CYLC1: variants seen among roughly 807,000 people sequenced by gnomAD.
CYLC1 encodes the protein cylicin-1.
In CYLC1, 2 loss-of-function variants were observed where a neutral mutation model predicts 31.6. The observed-to-expected ratio is 0.06, with a 90% CI of 0.03 to 0.20. The LOEUF (loss-of-function observed/expected upper bound fraction) is 0.20, where lower values mean the gene tolerates loss of function less well. Among genes scored for constraint, CYLC1 ranks in the 10% least tolerant of loss-of-function variants. The probability of loss-of-function intolerance (pLI) is 1.00; values close to 1 mark genes in which losing one functional copy is unlikely to be tolerated. For missense variants in CYLC1, 595 were observed against 424.1 expected, an observed-to-expected ratio of 1.40 and a Z score of -3.54; for synonymous variants, 185 against 153.0, an observed-to-expected ratio of 1.21 and a Z score of -1.54.
rs2031703604 is a variant in CYLC1, at chrX:83,873,388, C to T, written c.680C>T (p.Ser227Leu). The part of the protein sequence containing the change: ...KNNPKKDLKR[S>L]KTSNDPISEI... ...AATCCAAAGAAAGATTTGAAGAGGT[C>T]AAAGACTAGTAATGATCCCATATCA... The change falls in exon 4 of 5, where the codon TCA becomes TTA. Residue 227 changes from serine (S) to leucine (L), a missense_variant. Ser to Leu is a moderately radical substitution (Grantham distance 145). Transcript: ENST00000329312. 2 of 1,201,830 alleles carry T rather than the reference C, an allele frequency of 1.7e-6. No individual in the cohort carries two copies. Among genetic ancestry groups the T allele is most frequent in the African/African-American group, 1.8e-5 (1 of 56,737 alleles).
intron 4 of CYLC1, among the ~76,000 whole-genome samples, chrX:83,884,151 A>C (rs1253683360): frequency 8.9e-6 from 1 of 111,836 alleles, no homozygotes; most frequent in Non-Finnish European, 1.9e-5. Context: ...GGCAAGTGGC[A>C]TGATAAGCAT....
At position 83,874,147 on chromosome X, in the gene CYLC1, A is replaced by G; in HGVS notation, c.1439A>G (p.Asn480Ser). Residue 480 changes from asparagine to serine, a missense_variant, in exon 4 of 5, where the codon AAT (asparagine) becomes AGT (serine). Asn to Ser is a conservative substitution (Grantham distance 46). Transcript: ENST00000329312. ...KDDKKKDAKK[N>S]AESTEMESDL... is the part of the protein sequence containing the mutation. Reference sequence around the variant, plus strand: ...GACAAAAAGAAGGATGCAAAGAAAAATGCAGAATCTACTGAAATGGAATCT... The same window carrying G: ...GACAAAAAGAAGGATGCAAAGAAAAGTGCAGAATCTACTGAAATGGAATCT... 2.5e-6 allele frequency: 3 copies of G among 1,203,626 alleles called. No individual in the cohort carries two copies. Among genetic ancestry groups the G allele is most frequent in the Non-Finnish European group, 3.4e-6 (3 of 892,154 alleles).
chrX:83,884,639 TA>T (rs747621751), intron 4 of CYLC1, among the ~76,000 whole-genome samples: 11 of 111,762 alleles, frequency 9.8e-5, no homozygotes, highest in East Asian at 8.4e-4. Flanking sequence ...AAAAATAAAA[TA>T]AAAAACAAAC....
intron 1 of CYLC1, among the ~76,000 whole-genome samples, chrX:83,863,012 T>A (rs2031537790): frequency 9.0e-6 from 1 of 111,718 alleles, no homozygotes; most frequent in Admixed American, 9.5e-5. Flanking sequence ...TGTCATCAAC[T>A]TATATCACCT....
At chrX:83,872,048 C>T (rs2031673555) in intron 3 of CYLC1, among the ~76,000 whole-genome samples, 1 of 110,942 alleles carries the variant, frequency 9.0e-6, no homozygotes, top group Non-Finnish European at 1.9e-5. Context: ...ATTTTTAAAG[C>T]ATCTCCCAGA....
intron 1 of CYLC1, among the ~76,000 whole-genome samples, chrX:83,862,255 G>A (rs2031518852): frequency 9.0e-6 from 1 of 110,602 alleles, no homozygotes; most frequent in African/African-American, 3.3e-5. Context: ...GAGTGGGCCG[G>A]GCACTGTGGC....
intron 3 of CYLC1, among the ~76,000 whole-genome samples, 198 bp from the exon 4 acceptor site, chrX:83,872,688 G>A (rs1365788584): frequency 1.0e-5 from 1 of 98,569 alleles, no homozygotes; most frequent in Non-Finnish European, 2.0e-5. Context: ...TTTCCAAAGT[G>A]GAGTTATATG....
chrX:83,879,243 A>G (rs2031875909), intron 4 of CYLC1, among the ~76,000 whole-genome samples: 1 of 110,511 alleles, frequency 9.0e-6, no homozygotes, highest in South Asian at 3.9e-4. Flanking sequence ...CCTCATGTCC[A>G]CTTTCTGATG....
chrX:83,877,940 A>ATT (rs1310749769), intron 4 of CYLC1, among the ~76,000 whole-genome samples: 1 of 78,595 alleles, frequency 1.3e-5, no homozygotes, highest in Non-Finnish European at 2.3e-5. Context: ...ATAAATATAT[A>ATT]TATTTGTATA....
In CYLC1 at chrX:83,873,960, A is replaced by T. The variant is rs1421255880; in HGVS notation, c.1252A>T (p.Ser418Cys). 1 of 1,175,126 alleles carries T rather than the reference A, an allele frequency of 8.5e-7. No individual in the cohort carries two copies. The highest frequency in any genetic ancestry group is 2.4e-5 in the Admixed American group (1 of 41,846). ...TGAATCTGAACTGGAGTCAAAGGAG[A>T]GTCAGAAAGATGAAAAAAAGGATAA... is the stretch of plus-strand genomic sequence containing the variant. Reference protein sequence around the residue: ...DSESELESKESQKDEKKDKKD... With the variant: ...DSESELESKECQKDEKKDKKD... Residue 418 changes from serine to cysteine, a missense_variant, in exon 4 of 5, where the codon AGT (serine) becomes TGT (cysteine). Transcript: ENST00000329312.
At chrX:83,878,456 TATATATAAATATATATATAA>T (rs2031857337) in intron 4 of CYLC1, among the ~76,000 whole-genome samples, 1 of 58,011 alleles carries the variant, frequency 1.7e-5, no homozygotes, top group African/African-American at 6.6e-5. Context: ...TATATATAAA[TATATATAAATATATATATAA>T]ATATATATAA....
chrX:83,886,589 C>T lies in CYLC1; in HGVS notation c.*5C>T, dbSNP rs1203932759. ...TGGATTCATAAGCTGCTTTAAAGAACAACTGAGCACTTGGTTTCACAGAAT... is the reference window on the plus strand; with the variant it reads ...TGGATTCATAAGCTGCTTTAAAGAATAACTGAGCACTTGGTTTCACAGAAT... On this transcript the variant is annotated 3_prime_UTR_variant, in exon 5 of 5. Transcript: ENST00000329312. 3.3e-6 allele frequency: 4 copies of T among 1,203,039 alleles called. No individual in the cohort carries two copies. Among genetic ancestry groups the T allele is most frequent in the African/African-American group, 3.5e-5 (2 of 57,532 alleles).
intron 4 of CYLC1, among the ~76,000 whole-genome samples, chrX:83,879,867 T>C (rs950504847): frequency 2.7e-5 from 3 of 111,814 alleles, no homozygotes; most frequent in Admixed American, 9.6e-5. Flanking sequence ...TAATACATCT[T>C]TGCATCTTGG....
At chrX:83,864,273 G>T (rs1450222104) in intron 1 of CYLC1, among the ~76,000 whole-genome samples, 1 of 110,777 alleles carries the variant, frequency 9.0e-6, no homozygotes, top group Non-Finnish European at 1.9e-5. Flanking sequence ...CATAACACAG[G>T]ATTGGATTTT....
chrX:83,880,348 G>C (rs1015901307), intron 4 of CYLC1, among the ~76,000 whole-genome samples: 1 of 111,794 alleles, frequency 8.9e-6, no homozygotes, highest in Non-Finnish European at 1.9e-5. Flanking sequence ...ATAATAAACT[G>C]TCATCGATGT....
At chrX:83,876,913 T>C (rs1411303105) in intron 4 of CYLC1, among the ~76,000 whole-genome samples, 1 of 111,324 alleles carries the variant, frequency 9.0e-6, no homozygotes, top group Non-Finnish European at 1.9e-5. Flanking sequence ...TTAAATATTA[T>C]CTATGTATTG....
At chrX:83,869,574 C>T (rs1602301773) in intron 1 of CYLC1, among the ~76,000 whole-genome samples, 1 of 110,637 alleles carries the variant, frequency 9.0e-6, no homozygotes, top group African/African-American at 3.3e-5. Flanking sequence ...CTGCATAGTA[C>T]TCCATAGTGG....
At chrX:83,878,444 A>AAT (rs1305876603) in intron 4 of CYLC1, among the ~76,000 whole-genome samples, 7 of 38,790 alleles carry the variant, frequency 1.8e-4, no homozygotes, top group Non-Finnish European at 3.0e-4. Context: ...AATATATATA[A>AAT]ATATATATAA....
chrX:83,884,444 C>T (rs2031955510), intron 4 of CYLC1, among the ~76,000 whole-genome samples: 1 of 110,915 alleles, frequency 9.0e-6, no homozygotes, highest in Admixed American at 9.7e-5. Context: ...TAAGTCCCAG[C>T]TATTTGTCTT....
Sources: gnomAD v4.1 joint callset for allele counts (sites outside exome capture counted in the v4.1 genomes callset) on GRCh38, gnomAD v4.1.1 for gene constraint, MANE v1.5 for transcripts, NCBI Gene and HGNC (gene_info 2026-07-23, HGNC 2026-07-21) for gene names.